GARS1: variants seen among roughly 807,000 people sequenced by gnomAD.
GARS1 encodes the protein glycine--tRNA ligase.
Under a neutral mutation model 86.4 loss-of-function variants are expected in GARS1, and 46 were observed. The observed-to-expected ratio is 0.53, with a 90% CI of 0.42 to 0.68. GARS1 has a LOEUF of 0.68. Among genes scored for constraint, GARS1 ranks in the 30% least tolerant of loss-of-function variants. The pLI, the probability that GARS1 is intolerant of heterozygous loss-of-function variation, is 0.00. For synonymous variants in GARS1, 342 were observed against 329.8 expected, an observed-to-expected ratio of 1.04 and a Z score of -0.40; for missense variants, 797 against 915.6, an observed-to-expected ratio of 0.87 and a Z score of 1.67.
At position 30,612,242 on chromosome 7, in the gene GARS1, T is replaced by C. The variant is rs750606747; in HGVS notation, c.1028T>C (p.Val343Ala). Residue 343 changes from valine to alanine, a missense_variant, in exon 8 of 17, where the codon GTC becomes GCC. Transcript: ENST00000389266. ...TCCCCTCGATCTGGACTGATCAGAG[T>C]CAGGTACTGCTCAGGTTACTCTTAC... ...EISPRSGLIR[V>A]REFTMAEIEH... The C allele has an allele frequency of 6.2e-7, 1 of 1,613,978 alleles. No homozygotes were observed. The highest frequency in any genetic ancestry group is 1.7e-5 in the Admixed American group (1 of 60,022).
Position 30,603,559 on chromosome 7 carries a change from G to T in GARS1, c.722G>T (p.Ser241Ile), listed in dbSNP as rs775140242. Reference protein sequence around the residue: ...CSVEKKSEMESVLAQLDNYGQ... With the variant: ...CSVEKKSEMEIVLAQLDNYGQ... ...GTCGAAAAGAAATCAGAAATGGAAA[G>T]TGTTTTGGCCCAGGTGAGTACTCTA... Residue 241 changes from serine (S) to isoleucine (I), a missense_variant, in exon 6 of 17, where the codon AGT becomes ATT. Physicochemically the swap from Ser to Ile is moderately radical, Grantham distance 142. This residue lies in a region of GARS1 where 598 missense variants were observed against 738.7 expected (regional missense o/e 0.81). Transcript: ENST00000389266. The T allele has an allele frequency of 3.1e-6, 5 of 1,613,686 alleles. No homozygotes were observed. The East Asian group carries it at 1.1e-4, about 36-fold the overall frequency.
chr7:30,632,527 C>CT lies in GARS1; in HGVS notation c.2094+93dup. On this transcript the variant is annotated intron_variant, in intron 16 of 16. Transcript: ENST00000389266. The surrounding 1 kb of genome is among the most constrained non-coding windows in gnomAD (Gnocchi z 4.1). Reference sequence around the variant, plus strand: ...TTGGATTTTGATGTGTTTATGCTCCCTTTCCTTTTTTTTTCTTTTTAATTT... The same window carrying CT: ...TTGGATTTTGATGTGTTTATGCTCCCTTTTCCTTTTTTTTTCTTTTTAATTT... 7.2e-7 allele frequency: 1 copy of CT among 1,388,974 alleles called. No individual in the cohort carries two copies. The highest frequency in any genetic ancestry group is 1.0e-6 in the Non-Finnish European group (1 of 984,178). The allele number at this position is 1,388,974 out of a possible 1,614,324, so 86.0% of individuals were successfully genotyped here.
chr7:30,619,620 A>G (rs1006743276), intron 10 of GARS1, among the ~76,000 whole-genome samples: 4 of 152,138 alleles, frequency 2.6e-5, no homozygotes, highest in African/African-American at 4.8e-5. Flanking sequence ...TCAGATTGCC[A>G]GGTTACATGT....
In GARS1 at chr7:30,632,618, C is replaced by G. The variant is rs954531668; in HGVS notation, c.2094+181C>G. Among the ~76,000 whole-genome samples the G allele has an allele frequency of 6.6e-6, 1 of 152,070 alleles. No individual in the cohort carries two copies. Among genetic ancestry groups the G allele is most frequent in the Non-Finnish European group, 1.5e-5 (1 of 68,012 alleles). ...TCCCCCGGTTTAATTATGAAAATAT[C>G]CATTAGCACTTCTCTAATATTTTAT... On this transcript the variant is annotated intron_variant, in intron 16 of 16. Transcript: ENST00000389266. The surrounding 1 kb of genome is among the most constrained non-coding windows in gnomAD (Gnocchi z 4.1).
chr7:30,613,235 G>C (rs1318674288), intron 8 of GARS1, among the ~76,000 whole-genome samples: 4 of 152,304 alleles, frequency 2.6e-5, no homozygotes, highest in South Asian at 4.1e-4. Flanking sequence ...TTACGGTTTA[G>C]GAAGGAGGGA....
At chr7:30,625,413 G>A (rs891992325) in intron 12 of GARS1, among the ~76,000 whole-genome samples, 2 of 152,212 alleles carry the variant, frequency 1.3e-5, no homozygotes, top group Non-Finnish European at 2.9e-5. Flanking sequence ...GATGAGGCAT[G>A]AGATTATCAC....
intron 10 of GARS1, among the ~76,000 whole-genome samples, chr7:30,618,114 G>A (rs1003520485): frequency 6.6e-6 from 1 of 152,076 alleles, no homozygotes. Context: ...ATTTTAAAAA[G>A]TAATGACTAC....
chr7:30,603,444 G>A lies in GARS1; in HGVS notation c.659-52G>A. 2.8e-6 allele frequency: 4 copies of A among 1,411,388 alleles called. No homozygotes were observed. In the South Asian group the frequency reaches 3.5e-5, roughly 12 times the overall value. 87.4% of individuals were successfully genotyped at this position (1,411,388 alleles called of 1,614,324 possible). A position where few individuals can be genotyped will look rare whatever the true frequency, so the allele number is the denominator to read the frequency against. On this transcript the variant is annotated intron_variant, in intron 5 of 16. Transcript: ENST00000389266. ...AATTGTCTAGCATTGAAACTGAAAAGTGCATTGTCCTTTTTCCCATTGATT... is the reference window on the plus strand; with the variant it reads ...AATTGTCTAGCATTGAAACTGAAAAATGCATTGTCCTTTTTCCCATTGATT...
chr7:30,604,763 T>G (rs1315430711), intron 6 of GARS1, among the ~76,000 whole-genome samples: 1 of 152,272 alleles, frequency 6.6e-6, no homozygotes, highest in Non-Finnish European at 1.5e-5. Flanking sequence ...CACGTTCATC[T>G]CATTTTCTTA....
At chr7:30,624,411 A>G (rs371910992) in intron 12 of GARS1, among the ~76,000 whole-genome samples, 2 of 152,350 alleles carry the variant, frequency 1.3e-5, no homozygotes, top group African/African-American at 4.8e-5. Flanking sequence ...TCTTTAAAAG[A>G]TAATGGAGTA....
At chr7:30,623,107 A>G (rs958659748) in intron 12 of GARS1, among the ~76,000 whole-genome samples, 7 of 150,338 alleles carry the variant, frequency 4.7e-5, no homozygotes, top group African/African-American at 1.5e-4. Flanking sequence ...TCTCAAAAAA[A>G]AAAAAACAAA....
intron 12 of GARS1, among the ~76,000 whole-genome samples, chr7:30,623,571 A>G (rs1157768110): frequency 6.6e-6 from 1 of 152,214 alleles, no homozygotes; most frequent in Non-Finnish European, 1.5e-5. Flanking sequence ...GAAAAAAATG[A>G]GACTGGGAAA....
intron 8 of GARS1, among the ~76,000 whole-genome samples, chr7:30,612,842 T>TG (rs1782795370): frequency 6.6e-6 from 1 of 152,192 alleles, no homozygotes; most frequent in African/African-American, 2.4e-5. Context: ...CAGGGATGTG[T>TG]GGGAAGGCAT....
Position 30,632,721 on chromosome 7 carries a change from G to T in GARS1, c.2094+284G>T, listed in dbSNP as rs1268662021. 1.3e-5 allele frequency among the ~76,000 whole-genome samples: 2 copies of T among 152,142 alleles called. No homozygotes were observed. Among genetic ancestry groups the T allele is most frequent in the East Asian group, 3.8e-4 (2 of 5,202 alleles). Reference sequence around the variant, plus strand: ...TTTGTTTATTGGGCAAGAGAAATATGATCCTAAGAATTTGTTGCCATAGTT... The same window carrying T: ...TTTGTTTATTGGGCAAGAGAAATATTATCCTAAGAATTTGTTGCCATAGTT... On this transcript the variant is annotated intron_variant, in intron 16 of 16. Transcript: ENST00000389266. This position sits in a 1 kb window ranked among gnomAD's most constrained non-coding sequence, Gnocchi z 4.1.
At chr7:30,598,742 A>C (rs369681546) in intron 1 of GARS1, 54 bp from the exon 2 acceptor site, 1 of 1,448,598 alleles carries the variant, frequency 6.9e-7, no homozygotes. Flanking sequence ...CACATTCCTA[A>C]CATTTCTTAA....
At chr7:30,597,485 C>A (rs759403516) in intron 1 of GARS1, among the ~76,000 whole-genome samples, 5 of 152,120 alleles carry the variant, frequency 3.3e-5, no homozygotes, top group Non-Finnish European at 7.3e-5. Flanking sequence ...ATATACTTTA[C>A]CCAGAACGTC....
At position 30,621,860 on chromosome 7, in the gene GARS1, A is replaced by C. The variant is rs1783015153; in HGVS notation, c.1467+360A>C. On this transcript the variant is annotated intron_variant, in intron 11 of 16. Coordinates refer to ENST00000389266, the MANE Select transcript of GARS1 (RefSeq NM_002047.4). ...ACCTGGTGAAAGCTTTTTCCATTAA[A>C]AGATGAGTGCCATTTGATAGTAGCT... is the stretch of plus-strand genomic sequence containing the variant. Among the ~76,000 whole-genome samples the C allele has an allele frequency of 1.3e-5, 2 of 152,252 alleles. 1 individual carries two copies. The highest frequency in any genetic ancestry group is 4.1e-4 in the South Asian group (2 of 4,836).
At chr7:30,625,092 A>G (rs769862627) in intron 12 of GARS1, among the ~76,000 whole-genome samples, 35 of 152,042 alleles carry the variant, frequency 2.3e-4, no homozygotes, top group Non-Finnish European at 4.4e-4. Flanking sequence ...ACAGGTGTGC[A>G]CCACCACGCC....
upstream of GARS1, chr7:30,594,795 C>A: frequency 1.3e-6 from 1 of 783,086 alleles, no homozygotes; most frequent in Non-Finnish European, 2.0e-6. Context: ...CGCCGCGTCA[C>A]GCGGTGGTGA....
Sources: allele counts gnomAD v4.1 joint callset (sites outside exome capture counted in the v4.1 genomes callset), GRCh38; gene constraint gnomAD v4.1.1; regional missense constraint gnomAD v4.1.1; non-coding constraint Gnocchi (gnomAD v3.1); transcripts MANE v1.5; gene names NCBI Gene and HGNC (gene_info 2026-07-23, HGNC 2026-07-21).